FAAP20: variants seen among roughly 807,000 people sequenced by gnomAD.
The protein encoded by FAAP20 is Fanconi anemia core complex-associated protein 20.
Under a neutral mutation model 16.2 loss-of-function variants are expected in FAAP20, and 12 were observed. The observed-to-expected ratio is 0.74, with a 90% CI of 0.48 to 1.20. FAAP20 has a LOEUF of 1.20. Among genes scored for constraint, FAAP20 ranks in the 50% most tolerant of loss-of-function variants. The pLI is 0.00. For synonymous variants in FAAP20, 141 were observed against 110.7 expected, an observed-to-expected ratio of 1.27 and a Z score of -1.72; for missense variants, 288 against 245.8, an observed-to-expected ratio of 1.17 and a Z score of -1.15.
At chr1:2,189,918 C>T in intron 3 of FAAP20, 137 bp from the exon 4 acceptor site, 1 of 715,746 alleles carries the variant, frequency 1.4e-6, no homozygotes, top group Non-Finnish European at 2.5e-6. Context: ...GACGGGGCCA[C>T]CCCAGGGGCT....
downstream of FAAP20, among the ~76,000 whole-genome samples, chr1:2,187,749 GC>G (rs1304819657): frequency 6.6e-6 from 1 of 152,014 alleles, no homozygotes; most frequent in Non-Finnish European, 1.5e-5. Flanking sequence ...GCTGCTCACA[GC>G]TGCTGGGCCT....
intron 1 of FAAP20, among the ~76,000 whole-genome samples, chr1:2,206,830 CAAAAAAA>C (rs57221891): frequency 2.2e-5 from 2 of 89,846 alleles, no homozygotes; most frequent in Admixed American, 1.2e-4. Context: ...GAGACTGTCT[CAAAAAAA>C]AAAAAAAAAA....
At chr1:2,188,091 A>T (rs976155348), downstream of FAAP20, among the ~76,000 whole-genome samples, 4 of 152,076 alleles carry the variant, frequency 2.6e-5, no homozygotes, top group African/African-American at 4.8e-5. Flanking sequence ...GAAAATACAG[A>T]CGTCTGGGTG....
At chr1:2,198,742 G>A (rs558205180), upstream of FAAP20, 823 of 1,285,086 alleles carry the variant, frequency 6.4e-4, 3 homozygotes, top group Middle Eastern at 9.1e-3. Flanking sequence ...ACGGTGCCCT[G>A]GCAGTGCTCA....
At chr1:2,192,443 A>C in intron 3 of FAAP20, 1 of 996,806 alleles carries the variant, frequency 1.0e-6, no homozygotes, top group Non-Finnish European at 1.2e-6. Context: ...CAAAATGGCA[A>C]GTTTTTCCTC....
intron 3 of FAAP20, chr1:2,192,531 C>G (rs942573808): frequency 1.5e-4 from 148 of 1,004,068 alleles, no homozygotes; most frequent in Non-Finnish European, 1.7e-4. Flanking sequence ...AGCCCCTCCC[C>G]GGGGGGCGGG....
chr1:2,196,283 C>A (rs926358662), upstream of FAAP20, among the ~76,000 whole-genome samples: 1 of 152,204 alleles, frequency 6.6e-6, no homozygotes, highest in African/African-American at 2.4e-5. This position sits in a 1 kb window ranked among gnomAD's most constrained non-coding sequence, Gnocchi z 4.5. Flanking sequence ...GAGAAAAGGC[C>A]AGGCCCAGCA....
upstream of FAAP20, among the ~76,000 whole-genome samples, chr1:2,194,987 G>A (rs886100639): frequency 2.0e-4 from 31 of 151,872 alleles, no homozygotes; most frequent in African/African-American, 7.3e-4. Flanking sequence ...AGCCCCGCCC[G>A]TGTCCCCTTT....
chr1:2,198,046 G>A (rs561736453), upstream of FAAP20: 33 of 1,291,508 alleles, frequency 2.6e-5, no homozygotes, highest in East Asian at 5.5e-5. Context: ...ATGACACAGC[G>A]GTGCTGGTGA....
chr1:2,209,952 C>T (rs185707504), downstream of FAAP20, among the ~76,000 whole-genome samples: 240 of 152,310 alleles, frequency 1.6e-3, 1 homozygote, highest in Non-Finnish European at 2.3e-3. Context: ...GGCACTGAAA[C>T]GCTCACGGGG....
In FAAP20 at chr1:2,193,889, G is replaced by T; in HGVS notation, c.220C>A (p.Pro74Thr). The change falls in exon 3 of 4, where the codon CCC (proline) becomes ACC (threonine). Residue 74 changes from proline to threonine, a missense_variant. Transcript: ENST00000378546. ...PGQEPRCGPE[P>T]TEVFTVGPKT... is the part of the protein sequence containing the mutation. ...GGTCCGACAGTGAAGACTTCAGTGG[G>T]CTCCGGGCCGCACCTGGGCTCCTGC... 2.5e-6 allele frequency: 4 copies of T among 1,612,286 alleles called. No homozygotes were observed. Among genetic ancestry groups the T allele is most frequent in the Non-Finnish European group, 3.4e-6 (4 of 1,179,768 alleles).
At chr1:2,201,881 C>G (rs567813262), upstream of FAAP20, among the ~76,000 whole-genome samples, 2 of 149,348 alleles carry the variant, frequency 1.3e-5, no homozygotes, top group East Asian at 4.0e-4. Context: ...GCTGGGCGTG[C>G]TGGTGGGCAC....
chr1:2,197,460 G>A (rs1391954474), upstream of FAAP20, among the ~76,000 whole-genome samples: 1 of 152,228 alleles, frequency 6.6e-6, no homozygotes, highest in African/African-American at 2.4e-5. Flanking sequence ...AAGGGTAGGA[G>A]GCACGGGCCT....
rs1172380846 is a variant in FAAP20 at position 2,189,633 on chromosome 1, G to A, written c.*76C>T. On this transcript the variant is annotated 3_prime_UTR_variant, in exon 4 of 4. Transcript: ENST00000378546. ...CCGAGAGGCGGGGCTGCTGGCGGGG[G>A]AGCCGAGAGGCGGGGCTGCTGGCGG... 9.7e-6 allele frequency: 12 copies of A among 1,242,418 alleles called. No individual in the cohort carries two copies. The highest frequency in any genetic ancestry group is 7.3e-5 in the Admixed American group (4 of 54,978). 77.0% of individuals were successfully genotyped at this position (1,242,418 alleles called of 1,614,324 possible). A position where few individuals can be genotyped will look rare whatever the true frequency, so the allele number is the denominator to read the frequency against.
intron 1 of FAAP20, 99 bp from the exon 2 acceptor site, chr1:2,194,232 G>T (rs1688606159): frequency 1.3e-6 from 2 of 1,483,574 alleles, no homozygotes; most frequent in Admixed American, 4.2e-5. Context: ...CGGGGAGATG[G>T]GGGGTACTAG....
At chr1:2,187,239 T>G (rs1299324435), downstream of FAAP20, 4 of 457,888 alleles carry the variant, frequency 8.7e-6, no homozygotes, top group Admixed American at 1.0e-4. Context: ...ATTATTTTCA[T>G]TAAAAGCAGG....
At chr1:2,194,233 G>T in intron 1 of FAAP20, 100 bp from the exon 2 acceptor site, 3 of 1,485,192 alleles carry the variant, frequency 2.0e-6, no homozygotes, top group South Asian at 1.3e-5. Flanking sequence ...GGGGAGATGG[G>T]GGGTACTAGA....
downstream of FAAP20, chr1:2,184,633 C>G (rs775616525): frequency 6.2e-7 from 1 of 1,614,130 alleles, no homozygotes; most frequent in South Asian, 1.1e-5. Flanking sequence ...TCACAGACGA[C>G]TACGGTCTGG....
downstream of FAAP20, chr1:2,207,599 G>A (rs903477664): frequency 6.6e-6 from 1 of 152,348 alleles, no homozygotes; most frequent in African/African-American, 2.4e-5. Context: ...TGCCTGGCAG[G>A]AGCTGGAGAT....
Sources: gnomAD v4.1 joint callset for allele counts (sites outside exome capture counted in the v4.1 genomes callset) on GRCh38, gnomAD v4.1.1 for gene constraint, Gnocchi (gnomAD v3.1) non-coding constraint, MANE v1.5 for transcripts, NCBI Gene and HGNC (gene_info 2026-07-23, HGNC 2026-07-21) for gene names.